Variants in RAPH1 observed in about 807,000 individuals in gnomAD.
RAPH1 encodes the protein ras-associated and pleckstrin homology domains-containing protein 1.
Under a neutral mutation model 88.1 loss-of-function variants are expected in RAPH1, and 18 were observed. That is an observed-to-expected ratio of 0.20 (90% CI 0.14 to 0.30). The LOEUF (loss-of-function observed/expected upper bound fraction) is 0.30. Ranked by LOEUF, RAPH1 falls within the 10% of genes least tolerant of loss-of-function variation. The probability of loss-of-function intolerance (pLI) is 1.00; values close to 1 mark genes in which losing one functional copy is unlikely to be tolerated. For missense variants in RAPH1, 1,448 were observed against 1,543.2 expected (o/e 0.94, Z 1.03); for synonymous variants, 587 against 559.0 (o/e 1.05, Z -0.71).
intron 10 of RAPH1, among the ~76,000 whole-genome samples, chr2:203,453,496 T>C (rs1245436571): frequency 4.5e-5 from 6 of 133,660 alleles, no homozygotes; most frequent in Non-Finnish European, 9.2e-5. Context: ...CAGTGAGCTG[T>C]GATTGTGCCA....
chr2:203,508,221 CA>C lies in RAPH1; in HGVS notation c.1-12869del, dbSNP rs768340713. 8.7e-3 allele frequency among the ~76,000 whole-genome samples: 508 copies of C among 58,578 alleles called. 3 individuals are homozygous for C. The highest frequency in any genetic ancestry group is 0.02 in the African/African-American group (393 of 19,372). The allele number at this position is 58,578 out of a possible 152,430, so 38.4% of individuals were successfully genotyped here. A position where few individuals can be genotyped will look rare whatever the true frequency, so the allele number is the denominator to read the frequency against. On this transcript the variant is annotated intron_variant, in intron 1 of 13. Transcript: ENST00000319170. Reference sequence around the variant, plus strand: ...TGGGCAACAGAGCAAGACTCTGTCTCAAAAAAAAAAAAAAAAAAAAAGGAAG... The same window carrying C: ...TGGGCAACAGAGCAAGACTCTGTCTCAAAAAAAAAAAAAAAAAAAAGGAAG...
chr2:203,527,888 T>C (rs1690197472), intron 1 of RAPH1, among the ~76,000 whole-genome samples: 1 of 143,102 alleles, frequency 7.0e-6, no homozygotes, highest in African/African-American at 2.6e-5. Context: ...GAAACAAAGG[T>C]GGAGGAGAGG....
At position 203,439,858 on chromosome 2, in the gene RAPH1, C is replaced by T; in HGVS notation, c.3332G>A (p.Trp1111Ter). ...VAVVNPQPQQ[W>*]SKMSVKKAPP... is the part of the protein sequence containing the mutation. Reference sequence around the variant, plus strand: ...GGCCTTCTTCACTGACATTTTAGACCATTGTTGTGGTTGAGGATTAACGAC... The same window carrying T: ...GGCCTTCTTCACTGACATTTTAGACTATTGTTGTGGTTGAGGATTAACGAC... Residue 1111 changes from tryptophan to a stop codon, truncating the protein, a stop_gained, in exon 14 of 14, where the codon TGG becomes TAG. Coordinates refer to ENST00000319170, the MANE Select transcript of RAPH1 (RefSeq NM_213589.3). LOFTEE classifies it high-confidence loss of function. 6.2e-7 allele frequency: 1 copy of T among 1,613,762 alleles called. No individual in the cohort carries two copies. The highest frequency in any genetic ancestry group is 8.5e-7 in the Non-Finnish European group (1 of 1,179,970).
intron 1 of RAPH1, among the ~76,000 whole-genome samples, chr2:203,521,077 G>A (rs144885603): frequency 3.4e-4 from 51 of 152,154 alleles, no homozygotes; most frequent in African/African-American, 9.4e-4. Flanking sequence ...TTTTTGAGAC[G>A]GAGTCTTGCT....
At chr2:203,442,105 T>G (rs1416532300) in intron 13 of RAPH1, 2 of 1,584,914 alleles carry the variant, frequency 1.3e-6, no homozygotes, top group African/African-American at 1.4e-5. Context: ...AAGAAATGCT[T>G]TGTAAACATT....
chr2:203,521,556 G>A (rs957858968), intron 1 of RAPH1, among the ~76,000 whole-genome samples: 1 of 152,080 alleles, frequency 6.6e-6, no homozygotes, highest in African/African-American at 2.4e-5. Flanking sequence ...GGAGCAAAGT[G>A]TAACAATTGG....
chr2:203,473,029 A>G (rs140866604), intron 4 of RAPH1, among the ~76,000 whole-genome samples: 1 of 152,244 alleles, frequency 6.6e-6, no homozygotes, highest in African/African-American at 2.4e-5. Flanking sequence ...GACCACAAAC[A>G]ATAGTTAAAC....
chr2:203,485,319 G>A (rs977798043), intron 4 of RAPH1, among the ~76,000 whole-genome samples: 3 of 150,834 alleles, frequency 2.0e-5, no homozygotes, highest in Non-Finnish European at 4.4e-5. Flanking sequence ...GCTGAGGCAT[G>A]AGAACCATGT....
intron 1 of RAPH1, among the ~76,000 whole-genome samples, chr2:203,528,999 ATATATATTTTTTTT>A (rs1332941019): frequency 3.7e-5 from 3 of 81,172 alleles, no homozygotes; most frequent in African/African-American, 2.0e-4. Context: ...ATATATATAT[ATATATATTTTTTTT>A]TTTTTTTTTT....
chr2:203,468,031 A>G (rs2098530000), intron 4 of RAPH1, among the ~76,000 whole-genome samples: 1 of 152,122 alleles, frequency 6.6e-6, no homozygotes, highest in Non-Finnish European at 1.5e-5. Flanking sequence ...TTAGCCTCCC[A>G]AAGTACTGGG....
intron 4 of RAPH1, among the ~76,000 whole-genome samples, chr2:203,478,312 G>T (rs1239305700): frequency 1.3e-5 from 2 of 151,998 alleles, no homozygotes; most frequent in African/African-American, 2.4e-5. Context: ...GGGATTACAG[G>T]CACGAGCCAC....
chr2:203,433,921 G>A lies in RAPH1; in HGVS notation c.*5516C>T, dbSNP rs1243075325. On this transcript the variant is annotated 3_prime_UTR_variant, in exon 14 of 14. Coordinates refer to ENST00000319170, the MANE Select transcript of RAPH1 (RefSeq NM_213589.3). Reference sequence around the variant, plus strand: ...ACTGACTGTACGACTAGTGTGCTAAGCCATTACAATAGTTTACTGACATAA... The same window carrying A: ...ACTGACTGTACGACTAGTGTGCTAAACCATTACAATAGTTTACTGACATAA... 1.3e-5 allele frequency: 2 copies of A among 152,488 alleles called. No individual in the cohort carries two copies. Among genetic ancestry groups the A allele is most frequent in the African/African-American group, 4.8e-5 (2 of 41,400 alleles). The allele number at this position is 152,488 out of a possible 1,614,324, so 9.4% of individuals were successfully genotyped here. A position where few individuals can be genotyped will look rare whatever the true frequency, so the allele number is the denominator to read the frequency against.
In RAPH1 at chr2:203,513,929, C is replaced by T. The variant is rs528605053; in HGVS notation, c.1-18576G>A. 4.3e-4 allele frequency among the ~76,000 whole-genome samples: 65 copies of T among 152,018 alleles called. 1 individual carries two copies. Among genetic ancestry groups the T allele is most frequent in the African/African-American group, 1.1e-3 (46 of 41,516 alleles). ...GTGTGATCTCAGCTCACTGCAGCCT[C>T]CACCTCCCGGGTTCAAGTGATTCTC... is the stretch of plus-strand genomic sequence containing the variant. On this transcript the variant is annotated intron_variant, in intron 1 of 13. Transcript: ENST00000319170.
rs191658446 is a variant in RAPH1, at chr2:203,515,070, G to C, written c.1-19717C>G. Among the ~76,000 whole-genome samples the C allele has an allele frequency of 3.4e-4, 52 of 152,144 alleles. No homozygotes were observed. The East Asian group carries it at 6.0e-3, about 18-fold the overall frequency. ...GTACATACACTTTGAGGGGACCTAG[G>C]GGTACAATACTCCAGTTTTGAAAAG... is the stretch of plus-strand genomic sequence containing the variant. On this transcript the variant is annotated intron_variant, in intron 1 of 13. Coordinates refer to ENST00000319170, the MANE Select transcript of RAPH1 (RefSeq NM_213589.3).
rs536156844 is a variant in RAPH1 at position 203,438,655 on chromosome 2, T to C, written c.*782A>G. 6 of 162,634 alleles carry C rather than the reference T, an allele frequency of 3.7e-5. No individual in the cohort carries two copies. Among genetic ancestry groups the C allele is most frequent in the South Asian group, 1.8e-4 (1 of 5,684 alleles). The allele number at this position is 162,634 out of a possible 1,614,324, so 10.1% of individuals were successfully genotyped here. ...TATAGCACTAATTATCCATGTATTG[T>C]AGGCAAAGAGCTTATCTGTCAGCAC... On this transcript the variant is annotated 3_prime_UTR_variant, in exon 14 of 14. Coordinates refer to ENST00000319170, the MANE Select transcript of RAPH1 (RefSeq NM_213589.3).
chr2:203,535,064 AGCCG>A (rs1690556458), intron 1 of RAPH1, 43 bp downstream of exon 1: 1 of 150,698 alleles, frequency 6.6e-6, no homozygotes, highest in African/African-American at 2.4e-5. Flanking sequence ...CCCCGCGCCC[AGCCG>A]GCTCCCTACC....
intron 1 of RAPH1, among the ~76,000 whole-genome samples, chr2:203,515,486 C>T (rs562291981): frequency 2.0e-5 from 3 of 152,270 alleles, no homozygotes; most frequent in Admixed American, 6.5e-5. Flanking sequence ...AAATGACATT[C>T]GGCTAAATTG....
At position 203,513,353 on chromosome 2, in the gene RAPH1, T is replaced by A. The variant is rs939841046; in HGVS notation, c.1-18000A>T. Among the ~76,000 whole-genome samples the A allele has an allele frequency of 2.8e-4, 15 of 52,890 alleles. No homozygotes were observed. The Middle Eastern group carries it at 0.091, about 321-fold the overall frequency. 34.7% of individuals were successfully genotyped at this position (52,890 alleles called of 152,430 possible). ...ATTTATCAGTCTTTTCTCTCAATCTTTTTTTTTTTTTTTTTTTTTGAGATA... is the reference window on the plus strand; with the variant it reads ...ATTTATCAGTCTTTTCTCTCAATCTATTTTTTTTTTTTTTTTTTTGAGATA... On this transcript the variant is annotated intron_variant, in intron 1 of 13. Transcript: ENST00000319170.
At chr2:203,447,303 ATTC>A (rs2098510855) in intron 12 of RAPH1, 1 of 151,654 alleles carries the variant, frequency 6.6e-6, no homozygotes, top group South Asian at 2.1e-4. Context: ...GGGACTGGGT[ATTC>A]TCATTGTTCC....
Sources: gnomAD v4.1 joint callset for allele counts (sites outside exome capture counted in the v4.1 genomes callset) on GRCh38, gnomAD v4.1.1 for gene constraint, MANE v1.5 for transcripts, NCBI Gene and HGNC (gene_info 2026-07-23, HGNC 2026-07-21) for gene names.